Variants in CNTN4 observed in about 807,000 individuals in gnomAD.
CNTN4 encodes contactin-4.
A neutral mutation model predicts 122.5 loss-of-function variants in CNTN4; 77 were observed. That is an observed-to-expected ratio of 0.63 (90% CI 0.52 to 0.76). The LOEUF is 0.76. CNTN4 is among the 30% of genes least tolerant of loss of function. The probability of loss-of-function intolerance (pLI) is 0.00; values close to 1 mark genes in which losing one functional copy is unlikely to be tolerated. For synonymous variants in CNTN4, 512 were observed against 447.0 expected, an observed-to-expected ratio of 1.15 and a Z score of -1.83; for missense variants, 1,256 against 1,259.1, an observed-to-expected ratio of 1.00 and a Z score of 0.04.
rs1178385874 is a variant in CNTN4, at chr3:2,640,846, A to G, written c.55+69288A>G. Reference sequence around the variant, plus strand: ...TTCTAACAATGCAGCTATTCCTAGGATTATAGGTTCTCATCAATACCTCTT... The same window carrying G: ...TTCTAACAATGCAGCTATTCCTAGGGTTATAGGTTCTCATCAATACCTCTT... On this transcript the variant is annotated intron_variant, in intron 4 of 24. Transcript: ENST00000418658. Among the ~76,000 whole-genome samples, 97 of 152,152 alleles carry G rather than the reference A, an allele frequency of 6.4e-4. 1 individual carries two copies. Among genetic ancestry groups the G allele is most frequent in the Non-Finnish European group, 5.9e-5 (4 of 68,042 alleles).
At chr3:2,890,016 G>C (rs66718185) in intron 10 of CNTN4, among the ~76,000 whole-genome samples, 18,598 of 152,230 alleles carry the variant, frequency 0.12, 1,187 homozygotes, top group African/African-American at 0.14. Flanking sequence ...CCATGCATGG[G>C]AAAAAGAGCA....
chr3:2,902,746 G>A (rs920759318), intron 11 of CNTN4, 130 bp from the exon 12 acceptor site: 1 of 900,574 alleles, frequency 1.1e-6, no homozygotes, highest in African/African-American at 1.7e-5. Flanking sequence ...AATAGATCAT[G>A]TTATGTAAAT....
chr3:2,685,407 G>A (rs1463001082), intron 4 of CNTN4, among the ~76,000 whole-genome samples: 4 of 152,148 alleles, frequency 2.6e-5, no homozygotes, highest in African/African-American at 9.7e-5. Context: ...AAAGGGAGCA[G>A]TATAATTCTT....
intron 2 of CNTN4, among the ~76,000 whole-genome samples, chr3:2,310,106 G>A (rs1241723173): frequency 6.8e-6 from 1 of 147,048 alleles, no homozygotes; most frequent in East Asian, 2.1e-4. Flanking sequence ...AAGTCTTAGA[G>A]CTGTTGGTAC....
At chr3:2,909,144 A>T (rs2094271293) in intron 12 of CNTN4, among the ~76,000 whole-genome samples, 1 of 152,202 alleles carries the variant, frequency 6.6e-6, no homozygotes, top group African/African-American at 2.4e-5. Flanking sequence ...TTACAAAATA[A>T]TCAGATGTGC....
chr3:2,690,798 A>C (rs112430972), intron 4 of CNTN4, among the ~76,000 whole-genome samples: 50 of 152,348 alleles, frequency 3.3e-4, no homozygotes, highest in African/African-American at 1.1e-3. Flanking sequence ...TTCAAATTTC[A>C]GTGTCCACCA....
intron 3 of CNTN4, among the ~76,000 whole-genome samples, chr3:2,476,851 T>A (rs1305180548): frequency 6.6e-6 from 1 of 152,206 alleles, no homozygotes. Flanking sequence ...AGTCAATAAT[T>A]GTTGGTATCA....
chr3:2,554,869 A>C (rs1410367522), intron 3 of CNTN4, among the ~76,000 whole-genome samples: 1 of 152,230 alleles, frequency 6.6e-6, no homozygotes, highest in Non-Finnish European at 1.5e-5. Flanking sequence ...TCCCAAAATG[A>C]GTTCTGAAGA....
intron 4 of CNTN4, among the ~76,000 whole-genome samples, chr3:2,707,408 C>A (rs995100253): frequency 1.3e-5 from 2 of 151,864 alleles, no homozygotes; most frequent in South Asian, 2.1e-4. Flanking sequence ...ATTCAAAAAT[C>A]TTTTAGGACT....
chr3:2,242,973 TTTC>T (rs1239756275), intron 2 of CNTN4, among the ~76,000 whole-genome samples: 1 of 152,106 alleles, frequency 6.6e-6, no homozygotes, highest in East Asian at 1.9e-4. Flanking sequence ...ATCTGTAACA[TTTC>T]TTCTTAAAAT....
intron 2 of CNTN4, among the ~76,000 whole-genome samples, chr3:2,260,733 T>A (rs2040801882): frequency 4.4e-5 from 1 of 22,610 alleles, no homozygotes; most frequent in South Asian, 1.9e-3. Flanking sequence ...TATTTATTTA[T>A]TTTTTTTTTG....
At chr3:2,452,339 C>T (rs2048857730) in intron 3 of CNTN4, among the ~76,000 whole-genome samples, 1 of 152,168 alleles carries the variant, frequency 6.6e-6, no homozygotes, top group South Asian at 2.1e-4. Context: ...GTGTTAGTTG[C>T]TTTGTGCATG....
chr3:2,977,804 T>G (rs1291600424), intron 13 of CNTN4, among the ~76,000 whole-genome samples: 2 of 152,186 alleles, frequency 1.3e-5, no homozygotes, highest in Non-Finnish European at 2.9e-5. Context: ...TTTGGGCCCT[T>G]TGCAGATGTA....
At chr3:2,701,715 A>G (rs2086369706) in intron 4 of CNTN4, among the ~76,000 whole-genome samples, 1 of 152,120 alleles carries the variant, frequency 6.6e-6, no homozygotes, top group Admixed American at 6.5e-5. Context: ...ATGACTTAGG[A>G]AGTCATAAAC....
At chr3:2,898,606 G>T (rs187918375) in intron 10 of CNTN4, among the ~76,000 whole-genome samples, 4 of 152,304 alleles carry the variant, frequency 2.6e-5, no homozygotes, top group Admixed American at 2.6e-4. Context: ...AAAGCAATAA[G>T]AAAGCCCAAG....
chr3:2,537,055 C>G (rs1241123373), intron 3 of CNTN4, among the ~76,000 whole-genome samples: 1 of 152,112 alleles, frequency 6.6e-6, no homozygotes, highest in Non-Finnish European at 1.5e-5. Flanking sequence ...CCACTAGCAT[C>G]TGTAGTATGT....
Position 2,187,146 on chromosome 3 carries a change from G to A in CNTN4, c.-145+86507G>A, listed in dbSNP as rs181101841. Among the ~76,000 whole-genome samples the A allele has an allele frequency of 3.0e-3, 459 of 152,216 alleles. 1 individual carries two copies. The highest frequency in any genetic ancestry group is 5.3e-3 in the Non-Finnish European group (362 of 68,006). On this transcript the variant is annotated intron_variant, in intron 2 of 24. Transcript: ENST00000418658. Reference sequence around the variant, plus strand: ...GATCCACTTTCAGCTTTCTACATATGGCTAGCCTGTTTTCCCAGCACCATT... The same window carrying A: ...GATCCACTTTCAGCTTTCTACATATAGCTAGCCTGTTTTCCCAGCACCATT...
At chr3:2,264,900 G>A (rs2040979784) in intron 2 of CNTN4, among the ~76,000 whole-genome samples, 1 of 151,970 alleles carries the variant, frequency 6.6e-6, no homozygotes, top group African/African-American at 2.4e-5. Context: ...GGAACAGGTG[G>A]TATTTTGTTA....
intron 4 of CNTN4, among the ~76,000 whole-genome samples, chr3:2,708,647 T>A (rs138641941): frequency 6.6e-6 from 1 of 150,680 alleles, no homozygotes; most frequent in Non-Finnish European, 1.5e-5. Context: ...CTGGAGACCT[T>A]CATGTACTTC....
Sources: allele counts gnomAD v4.1 joint callset (sites outside exome capture counted in the v4.1 genomes callset), GRCh38; gene constraint gnomAD v4.1.1; transcripts MANE v1.5; gene names NCBI Gene and HGNC (gene_info 2026-07-23, HGNC 2026-07-21).